Variants in ANKRD44 observed in about 807,000 individuals in gnomAD.
ANKRD44 encodes ankyrin repeat domain 44.
A neutral mutation model predicts 116.0 loss-of-function variants in ANKRD44; 35 were observed. That is an observed-to-expected ratio of 0.30 (90% CI 0.23 to 0.40). The LOEUF is 0.40. Ranked by LOEUF, ANKRD44 falls within the 10% of genes least tolerant of loss-of-function variation. ANKRD44 has a pLI of 1.00. For synonymous variants in ANKRD44, 435 were observed against 461.8 expected (o/e 0.94, Z 0.74); for missense variants, 1,014 against 1,242.6 (o/e 0.82, Z 2.77).
intron 4 of ANKRD44, among the ~76,000 whole-genome samples, chr2:197,127,967 C>T (rs368649775): frequency 1.4e-4 from 21 of 152,198 alleles, no homozygotes; most frequent in African/African-American, 5.1e-4. Context: ...CAGCTTCCAG[C>T]TCCATTCGTG....
At chr2:197,047,610 G>A (rs184693179) in intron 16 of ANKRD44, among the ~76,000 whole-genome samples, 93 of 152,164 alleles carry the variant, frequency 6.1e-4, no homozygotes, top group Middle Eastern at 3.4e-3. Context: ...ACAGAGAGGG[G>A]GAATTTAAGA....
Position 197,026,047 on chromosome 2 carries a change from C to CAAACAAA in ANKRD44, c.1651-781_1651-780insTTTGTTT, listed in dbSNP as rs757549809. Among the ~76,000 whole-genome samples, 51 of 130,370 alleles carry CAAACAAA rather than the reference C, an allele frequency of 3.9e-4. No individual in the cohort carries two copies. The South Asian group carries it at 0.012, about 32-fold the overall frequency. 85.5% of individuals were successfully genotyped at this position (130,370 alleles called of 152,430 possible). ...CAGAGAAGGGGGAGATAAAAAGAAA[C>CAAACAAA]AAAAAAAAAAAAAACACCTTTCTGG... is the stretch of plus-strand genomic sequence containing the variant. On this transcript the variant is annotated intron_variant, in intron 16 of 27. Coordinates refer to ENST00000282272, the MANE Select transcript of ANKRD44 (RefSeq NM_001195144.2).
rs569834492 is a variant in ANKRD44, at chr2:197,102,964, T to C, written c.986-3034A>G. ...TTGGGGGGTGGCGGGGCGTGGTGGC[T>C]CATGCCTGTAATCCCAGCACTCTGG... On this transcript the variant is annotated intron_variant, in intron 9 of 27. Transcript: ENST00000282272. 5.9e-5 allele frequency among the ~76,000 whole-genome samples: 9 copies of C among 152,264 alleles called. No homozygotes were observed. The South Asian group carries it at 1.7e-3, about 28-fold the overall frequency.
At chr2:197,303,491 T>G (rs2083974729) in intron 1 of ANKRD44, among the ~76,000 whole-genome samples, 1 of 152,192 alleles carries the variant, frequency 6.6e-6, no homozygotes, top group Non-Finnish European at 1.5e-5. Flanking sequence ...AGCAAAACTT[T>G]TAGAGACAGG....
intron 16 of ANKRD44, among the ~76,000 whole-genome samples, chr2:197,050,760 C>A (rs2077091952): frequency 6.6e-6 from 1 of 152,012 alleles, no homozygotes; most frequent in Admixed American, 6.6e-5. Flanking sequence ...TCAAAACTTT[C>A]CCCCTCAGAA....
intron 16 of ANKRD44, among the ~76,000 whole-genome samples, chr2:197,054,662 C>T (rs2077170983): frequency 6.6e-6 from 1 of 152,166 alleles, no homozygotes; most frequent in Non-Finnish European, 1.5e-5. Flanking sequence ...TAGCTATTTC[C>T]AGTTCCAACT....
chr2:196,974,084 T>C (rs2075739418), intron 21 of ANKRD44, among the ~76,000 whole-genome samples: 1 of 151,042 alleles, frequency 6.6e-6, no homozygotes, highest in Admixed American at 6.6e-5. Context: ...CATACTCTCA[T>C]ACTCTTTTTT....
At chr2:197,126,882 G>A (rs560750796) in intron 4 of ANKRD44, among the ~76,000 whole-genome samples, 173 of 152,082 alleles carry the variant, frequency 1.1e-3, no homozygotes, top group African/African-American at 4.0e-3. Flanking sequence ...CTACTCAGGC[G>A]GCTGAAGTGG....
chr2:197,170,394 T>C (rs945930250), intron 2 of ANKRD44, among the ~76,000 whole-genome samples: 1 of 152,204 alleles, frequency 6.6e-6, no homozygotes, highest in Non-Finnish European at 1.5e-5. Context: ...CAAAACTCCC[T>C]TTCTTTCCCT....
intron 1 of ANKRD44, among the ~76,000 whole-genome samples, chr2:197,240,935 A>G (rs1379049086): frequency 6.6e-6 from 1 of 151,864 alleles, no homozygotes; most frequent in Non-Finnish European, 1.5e-5. Context: ...CCCCAAATGC[A>G]TAATCCACAG....
In ANKRD44 at chr2:197,301,738, A is replaced by T. The variant is rs1864283; in HGVS notation, c.27+8840T>A. On this transcript the variant is annotated intron_variant, in intron 1 of 27. Transcript: ENST00000282272. ...ATATTCAATCACTTAACAAATATTTATTGAGCATTTACTATGCACCTTACC... is the reference window on the plus strand; with the variant it reads ...ATATTCAATCACTTAACAAATATTTTTTGAGCATTTACTATGCACCTTACC... 1.5e-3 allele frequency among the ~76,000 whole-genome samples: 230 copies of T among 152,368 alleles called. 2 individuals are homozygous for T. In the Middle Eastern group the frequency reaches 0.02, roughly 14 times the overall value.
chr2:197,122,758 A>C lies in ANKRD44; in HGVS notation c.585T>G (p.His195Gln). 11 of 1,614,150 alleles carry C rather than the reference A, an allele frequency of 6.8e-6. No homozygotes were observed. Among genetic ancestry groups the C allele is most frequent in the Non-Finnish European group, 9.3e-6 (11 of 1,179,986 alleles). Residue 195 changes from histidine to glutamine, a missense_variant, in exon 7 of 28, where the codon CAT becomes CAG. His to Gln is a conservative substitution (Grantham distance 24, BLOSUM62 0). Coordinates refer to ENST00000282272, the MANE Select transcript of ANKRD44 (RefSeq NM_001195144.2). Reference protein sequence around the residue: ...HLDVVALLINHGAEVTCKDKK... With the variant: ...HLDVVALLINQGAEVTCKDKK... ...TATCCTTACAGGTCACTTCTGCGCC[A>C]TGGTTAATGAGCAATGCTACAACAT...
intron 1 of ANKRD44, among the ~76,000 whole-genome samples, chr2:197,232,127 A>G (rs1453497972): frequency 1.3e-5 from 2 of 152,180 alleles, no homozygotes; most frequent in Non-Finnish European, 2.9e-5. Flanking sequence ...TAAGAAACCC[A>G]ATGTTCAAAG....
intron 16 of ANKRD44, among the ~76,000 whole-genome samples, chr2:197,055,290 A>AT (rs1025721808): frequency 1.3e-4 from 20 of 151,826 alleles, no homozygotes; most frequent in Non-Finnish European, 2.8e-4. Context: ...TGGGTTATCT[A>AT]TTTTTTTCTT....
chr2:197,217,547 AT>A (rs746082757), intron 1 of ANKRD44, among the ~76,000 whole-genome samples: 16 of 152,232 alleles, frequency 1.1e-4, no homozygotes, highest in Non-Finnish European at 2.1e-4. Context: ...TCAATTGGGT[AT>A]CTGAAAAACA....
chr2:197,015,557 G>A, intron 17 of ANKRD44: 1 of 512,996 alleles, frequency 1.9e-6, no homozygotes, highest in Non-Finnish European at 3.6e-6. Flanking sequence ...AATTTTATGG[G>A]TGGTAGAGGA....
At chr2:197,067,646 C>G (rs2077463295) in intron 16 of ANKRD44, among the ~76,000 whole-genome samples, 2 of 125,996 alleles carry the variant, frequency 1.6e-5, no homozygotes, top group Non-Finnish European at 3.3e-5. Context: ...AAATGCAAAT[C>G]AAAACCACTA....
intron 5 of ANKRD44, 35 bp downstream of exon 5, chr2:197,125,802 G>GAA (rs2078961577): frequency 6.2e-7 from 1 of 1,604,100 alleles, no homozygotes; most frequent in African/African-American, 1.3e-5. Context: ...AGTCCTGGAG[G>GAA]GAGCGTTCCA....
Position 197,173,272 on chromosome 2 carries a change from C to G in ANKRD44, c.111+13751G>C, listed in dbSNP as rs185784872. On this transcript the variant is annotated intron_variant, in intron 2 of 27. Coordinates refer to ENST00000282272, the MANE Select transcript of ANKRD44 (RefSeq NM_001195144.2). ...TATTCAAAATTATGGGTGGTAAAATCTTCCTTAACTTTTTCAGTGACACCT... is the reference window on the plus strand; with the variant it reads ...TATTCAAAATTATGGGTGGTAAAATGTTCCTTAACTTTTTCAGTGACACCT... Among the ~76,000 whole-genome samples, 33 of 152,278 alleles carry G rather than the reference C, an allele frequency of 2.2e-4. No homozygotes were observed. The East Asian group carries it at 6.2e-3, about 29-fold the overall frequency.
Sources: gnomAD v4.1 joint callset for allele counts (sites outside exome capture counted in the v4.1 genomes callset) on GRCh38, gnomAD v4.1.1 for gene constraint, MANE v1.5 for transcripts, NCBI Gene and HGNC (gene_info 2026-07-23, HGNC 2026-07-21) for gene names.